The following BAHCC1 variants were observed in gnomAD, a reference collection of about 807,000 sequenced individuals.
BAHCC1 encodes BAH and coiled-coil domain-containing protein 1.
In BAHCC1, 43 loss-of-function variants were observed where a neutral mutation model predicts 88.2. That is an observed-to-expected ratio of 0.49 (90% CI 0.38 to 0.63). The LOEUF (loss-of-function observed/expected upper bound fraction) is 0.63, where lower values mean the gene tolerates loss of function less well. Ranked by LOEUF, BAHCC1 falls within the 20% of genes least tolerant of loss-of-function variation. The pLI is 0.00. For synonymous variants in BAHCC1, 1,510 were observed against 745.5 expected (o/e 2.03, Z -16.71); for missense variants, 3,023 against 1,654.8 (o/e 1.83, Z -14.34).
chr17:81,431,597 C>T (rs2064261969), intron 3 of BAHCC1, among the ~76,000 whole-genome samples: 2 of 152,204 alleles, frequency 1.3e-5, no homozygotes, highest in Non-Finnish European at 2.9e-5. Context: ...CCTGCAGCTT[C>T]AGGGTTCCCA....
intron 2 of BAHCC1, among the ~76,000 whole-genome samples, chr17:81,426,244 G>C (rs2064196435): frequency 1.4e-5 from 2 of 147,172 alleles, no homozygotes; most frequent in African/African-American, 2.5e-5. Flanking sequence ...GGGTGATGTG[G>C]TTGGTGGTAA....
At chr17:81,452,609 G>A (rs1568029152) in intron 13 of BAHCC1, 114 bp from the exon 14 acceptor site, 1 of 555,902 alleles carries the variant, frequency 1.8e-6, no homozygotes, top group Non-Finnish European at 3.2e-6. Context: ...GCCGAGTCTG[G>A]GCCGCATCTT....
intron 2 of BAHCC1, among the ~76,000 whole-genome samples, chr17:81,414,341 C>G (rs2063992388): frequency 6.6e-6 from 1 of 152,252 alleles, no homozygotes; most frequent in African/African-American, 2.4e-5. Flanking sequence ...TCCCAGTGGT[C>G]CGTGAGGCCG....
chr17:81,465,193 A>G lies in BAHCC1; in HGVS notation c.*1376A>G, dbSNP rs1598522825. The G allele has an allele frequency of 3.9e-5, 6 of 152,040 alleles. No individual in the cohort carries two copies. The South Asian group carries it at 1.0e-3, about 26-fold the overall frequency. The allele number at this position is 152,040 out of a possible 1,614,324, so 9.4% of individuals were successfully genotyped here. On this transcript the variant is annotated 3_prime_UTR_variant, in exon 28 of 28. Transcript: ENST00000675386. ...GGCCCCTTTCTGGGCCCCCTTTTCC[A>G]CCAGCCAAATCTGCCTGGCCCTCGG... is the stretch of plus-strand genomic sequence containing the variant.
rs987715354 is a variant in BAHCC1, at chr17:81,408,077, C to T, written c.178+8160C>T. 6.6e-5 allele frequency among the ~76,000 whole-genome samples: 10 copies of T among 152,352 alleles called. No individual in the cohort carries two copies. The East Asian group carries it at 1.3e-3, about 21-fold the overall frequency. On this transcript the variant is annotated intron_variant, in intron 2 of 27. Transcript: ENST00000675386. The stretch of plus-strand genomic sequence containing the variant: ...CTCAGCCTCCCTTCAGCGCCTTCCC[C>T]GGCCCCCTTCCTCCTGCTGCCCCTG...
intron 2 of BAHCC1, among the ~76,000 whole-genome samples, chr17:81,422,301 G>A (rs2064125417): frequency 6.6e-6 from 1 of 152,242 alleles, no homozygotes; most frequent in South Asian, 2.1e-4. Flanking sequence ...GTGAGCCACC[G>A]TGTCTGGTCT....
chr17:81,410,575 G>A (rs1266973852), intron 2 of BAHCC1, among the ~76,000 whole-genome samples: 1 of 152,108 alleles, frequency 6.6e-6, no homozygotes, highest in Non-Finnish European at 1.5e-5. Flanking sequence ...GACCTGCTCT[G>A]AGGCACCACG....
At position 81,399,120 on chromosome 17, in the gene BAHCC1, TGC is replaced by T; in HGVS notation, c.-206-412_-206-411del. 5.2e-6 allele frequency: 1 copy of T among 193,172 alleles called. No individual in the cohort carries two copies. The highest frequency in any genetic ancestry group is 2.7e-5 in the South Asian group (1 of 36,774). The allele number at this position is 193,172 out of a possible 1,614,324, so 12.0% of individuals were successfully genotyped here. A position where few individuals can be genotyped will look rare whatever the true frequency, so the allele number is the denominator to read the frequency against. On this transcript the variant is annotated intron_variant, in intron 1 of 27. Coordinates refer to ENST00000675386, the MANE Select transcript of BAHCC1 (RefSeq NM_001377448.1). This position sits in a 1 kb window ranked among gnomAD's most constrained non-coding sequence, Gnocchi z 4.5. ...GGGCAGCGGGGGAGGGGAGAGGGTGTGCGTGTGAGTGTGTGTGTGTGTGTGTG... is the reference window on the plus strand; with the variant it reads ...GGGCAGCGGGGGAGGGGAGAGGGTGTGTGTGAGTGTGTGTGTGTGTGTGTG...
At chr17:81,456,068 GGGTGGGCAGTT>G in intron 15 of BAHCC1, 1 of 533,816 alleles carries the variant, frequency 1.9e-6, no homozygotes, top group Non-Finnish European at 3.3e-6. Flanking sequence ...CCCCTACGTG[GGGTGGGCAGTT>G]GGTGGGCAGT....
At chr17:81,448,402 C>T (rs1568025476) in intron 11 of BAHCC1, among the ~76,000 whole-genome samples, 2 of 152,140 alleles carry the variant, frequency 1.3e-5, no homozygotes, top group Non-Finnish European at 2.9e-5. Context: ...CAACAGTGGG[C>T]GGGTCCAGAG....
chr17:81,415,573 C>G (rs558864669), intron 2 of BAHCC1: 2 of 514,452 alleles, frequency 3.9e-6, no homozygotes, highest in African/African-American at 3.9e-5. Context: ...TGTGCTGGCC[C>G]CAGCCCCTTC....
chr17:81,412,781 A>G (rs781864843), intron 2 of BAHCC1, among the ~76,000 whole-genome samples: 1 of 152,212 alleles, frequency 6.6e-6, no homozygotes, highest in Non-Finnish European at 1.5e-5. Flanking sequence ...AACAGCGAAC[A>G]TTGATTATTT....
chr17:81,433,474 C>T (rs1158262065), intron 3 of BAHCC1, among the ~76,000 whole-genome samples: 1 of 145,048 alleles, frequency 6.9e-6, no homozygotes, highest in East Asian at 2.0e-4. Flanking sequence ...CGAGGCCCCT[C>T]CTGTGCCCAG....
At position 81,434,902 on chromosome 17, in the gene BAHCC1, T is replaced by A. The variant is rs979752597; in HGVS notation, c.359-3468T>A. ...GGGGATGAGGTACCTGGAGTGGGGG[T>A]GCCCGTCAGGCAGCCAGGGCTGGTG... is the stretch of plus-strand genomic sequence containing the variant. On this transcript the variant is annotated intron_variant, in intron 3 of 27. Coordinates refer to ENST00000675386, the MANE Select transcript of BAHCC1 (RefSeq NM_001377448.1). This position sits in a 1 kb window ranked among gnomAD's most constrained non-coding sequence, Gnocchi z 4.9. Among the ~76,000 whole-genome samples the A allele has an allele frequency of 9.2e-5, 14 of 151,680 alleles. No homozygotes were observed. Among genetic ancestry groups the A allele is most frequent in the African/African-American group, 3.4e-4 (14 of 41,254 alleles).
chr17:81,458,126 G>C lies in BAHCC1; in HGVS notation c.5042-39G>C, dbSNP rs369024363. 2,256 of 714,290 alleles carry C rather than the reference G, an allele frequency of 3.2e-3. 5 individuals are homozygous for C. Among genetic ancestry groups the C allele is most frequent in the Non-Finnish European group, 4.1e-3 (1,589 of 384,034 alleles). The allele number at this position is 714,290 out of a possible 1,614,324, so 44.2% of individuals were successfully genotyped here. ...TCAGCCCAACCAGCCGGGTCTCTAG[G>C]ATGGGGACCCCTGTGACGGCCTCCT... is the stretch of plus-strand genomic sequence containing the variant. On this transcript the variant is annotated intron_variant, in intron 17 of 27. Coordinates refer to ENST00000675386, the MANE Select transcript of BAHCC1 (RefSeq NM_001377448.1).
chr17:81,446,810 C>T (rs1555654497), intron 10 of BAHCC1: 1 of 680,178 alleles, frequency 1.5e-6, no homozygotes, highest in South Asian at 1.5e-5. Flanking sequence ...ACCTCAGCCT[C>T]CCAAAGTTTT....
At position 81,443,927 on chromosome 17, in the gene BAHCC1, G is replaced by A. The variant is rs1555653543; in HGVS notation, c.2324+10G>A. ...GCGAGCTGCTGCTGCAGTGAGAGCT[G>A]GGCCTGTGGCCCTGGAGAGTGGGGC... On this transcript the variant is annotated intron_variant, in intron 6 of 27. Coordinates refer to ENST00000675386, the MANE Select transcript of BAHCC1 (RefSeq NM_001377448.1). The A allele has an allele frequency of 7.1e-6, 5 of 708,970 alleles. No individual in the cohort carries two copies. Among genetic ancestry groups the A allele is most frequent in the Non-Finnish European group, 1.3e-5 (5 of 384,714 alleles). 43.9% of individuals were successfully genotyped at this position (708,970 alleles called of 1,614,324 possible). A position where few individuals can be genotyped will look rare whatever the true frequency, so the allele number is the denominator to read the frequency against.
intron 27 of BAHCC1, 91 bp from the exon 28 acceptor site, chr17:81,463,520 C>A: frequency 1.4e-6 from 1 of 738,642 alleles, no homozygotes; most frequent in Non-Finnish European, 2.5e-6. Flanking sequence ...GTGACCCTTA[C>A]AGAGCATGGG....
intron 10 of BAHCC1, chr17:81,446,653 A>G: frequency 5.4e-6 from 2 of 369,508 alleles, no homozygotes; most frequent in Non-Finnish European, 1.1e-5. Flanking sequence ...GGCTCAAGCC[A>G]TCCTCCCACC....
Sources: allele counts gnomAD v4.1 joint callset (sites outside exome capture counted in the v4.1 genomes callset), GRCh38; gene constraint gnomAD v4.1.1; non-coding constraint Gnocchi (gnomAD v3.1); transcripts MANE v1.5; gene names NCBI Gene and HGNC (gene_info 2026-07-23, HGNC 2026-07-21).